The following CLEC16A variants were observed in gnomAD, a reference collection of about 807,000 sequenced individuals.
The protein encoded by CLEC16A is C-type lectin domain containing 16A.
In CLEC16A, 51 loss-of-function variants were observed where a neutral mutation model predicts 109.5. The ratio of observed to expected loss-of-function variants is 0.47; its 90% confidence interval spans 0.37 to 0.59. The LOEUF is 0.59. Among genes scored for constraint, CLEC16A ranks in the 20% least tolerant of loss-of-function variants. The probability of loss-of-function intolerance (pLI) is 0.00; values close to 1 mark genes in which losing one functional copy is unlikely to be tolerated. For synonymous variants in CLEC16A, 673 were observed against 564.2 expected, an observed-to-expected ratio of 1.19 and a Z score of -2.73; for missense variants, 1,339 against 1,394.0, an observed-to-expected ratio of 0.96 and a Z score of 0.63.
At chr16:11,008,467 G>A (rs1443513780) in intron 11 of CLEC16A, among the ~76,000 whole-genome samples, 1 of 152,056 alleles carries the variant, frequency 6.6e-6, no homozygotes, top group Non-Finnish European at 1.5e-5. Context: ...TCAAGAATCT[G>A]GCCAGAGCTG....
intron 18 of CLEC16A, among the ~76,000 whole-genome samples, chr16:11,054,432 G>C (rs1010389701): frequency 2.0e-5 from 3 of 152,234 alleles, no homozygotes; most frequent in African/African-American, 7.2e-5. Context: ...CAGAGTTGCA[G>C]GTTCCCAGGG....
intron 19 of CLEC16A, among the ~76,000 whole-genome samples, chr16:11,084,025 C>T (rs556479370): frequency 6.6e-6 from 1 of 152,184 alleles, no homozygotes; most frequent in Admixed American, 6.5e-5. Flanking sequence ...AAGCCCAAGC[C>T]GTATGGGCCC....
intron 10 of CLEC16A, among the ~76,000 whole-genome samples, chr16:10,997,108 T>C (rs1048563386): frequency 6.6e-6 from 1 of 152,154 alleles, no homozygotes; most frequent in Non-Finnish European, 1.5e-5. Context: ...ACTGCAGGCA[T>C]GCACCACCAT....
intron 22 of CLEC16A, among the ~76,000 whole-genome samples, chr16:11,128,949 C>T (rs945618705): frequency 6.6e-6 from 1 of 152,194 alleles, no homozygotes; most frequent in Admixed American, 6.5e-5. Context: ...CATACCCCTG[C>T]CTCCAGCTTT....
rs201446844 is a variant in CLEC16A, at chr16:11,180,091, G to T, written c.*1401G>T. The T allele has an allele frequency of 6.6e-6, 1 of 152,300 alleles. No homozygotes were observed. Among genetic ancestry groups the T allele is most frequent in the African/African-American group, 2.4e-5 (1 of 41,448 alleles). The allele number at this position is 152,300 out of a possible 1,614,324, so 9.4% of individuals were successfully genotyped here. A position where few individuals can be genotyped will look rare whatever the true frequency, so the allele number is the denominator to read the frequency against. On this transcript the variant is annotated 3_prime_UTR_variant, in exon 24 of 24. Coordinates refer to ENST00000409790, the MANE Select transcript of CLEC16A (RefSeq NM_015226.3). The stretch of plus-strand genomic sequence containing the variant: ...CTGCCAGCAGATGTGCCCACCAGGG[G>T]CATTAGGTATCCGCCGGAGCCTGGC...
chr16:11,003,444 C>T (rs929786160), intron 11 of CLEC16A, 139 bp downstream of exon 11: 9 of 681,600 alleles, frequency 1.3e-5, no homozygotes, highest in African/African-American at 3.6e-5. Context: ...CTCACACTGG[C>T]GTACCTCATT....
chr16:11,086,358 G>A, intron 19 of CLEC16A, among the ~76,000 whole-genome samples: 1 of 152,208 alleles, frequency 6.6e-6, no homozygotes. Flanking sequence ...AGTGGGGCTA[G>A]GAACTGTTTC....
chr16:11,106,857 C>CA (rs1420782424), intron 19 of CLEC16A, among the ~76,000 whole-genome samples: 1 of 152,188 alleles, frequency 6.6e-6, no homozygotes, highest in African/African-American at 2.4e-5. Context: ...CCAGGGTCAC[C>CA]ACAGCTGGAA....
chr16:11,063,183 G>T (rs1273776218), intron 19 of CLEC16A, among the ~76,000 whole-genome samples: 1 of 151,994 alleles, frequency 6.6e-6, no homozygotes, highest in Admixed American at 6.6e-5. Context: ...GCTAAGGAGG[G>T]CGACTTTCAG....
intron 19 of CLEC16A, among the ~76,000 whole-genome samples, chr16:11,083,639 A>T (rs1357725085): frequency 1.3e-5 from 2 of 152,130 alleles, no homozygotes; most frequent in Non-Finnish European, 1.5e-5. Context: ...TTTCCTTCCT[A>T]AGCCCATGTA....
At chr16:11,040,304 G>A (rs1031327663) in intron 14 of CLEC16A, 19 of 170,634 alleles carry the variant, frequency 1.1e-4, no homozygotes, top group Non-Finnish European at 1.9e-4. Context: ...CAACAGTTGT[G>A]GGTAGGTATG....
intron 19 of CLEC16A, among the ~76,000 whole-genome samples, chr16:11,073,874 G>A (rs962605397): frequency 2.0e-5 from 3 of 152,220 alleles, no homozygotes; most frequent in Non-Finnish European, 4.4e-5. Flanking sequence ...AAACACTGAA[G>A]GACTTTCATT....
At chr16:10,952,512 A>C (rs1364237119) in intron 1 of CLEC16A, among the ~76,000 whole-genome samples, 1 of 152,228 alleles carries the variant, frequency 6.6e-6, no homozygotes, top group Non-Finnish European at 1.5e-5. Flanking sequence ...CAACAACAAC[A>C]AAAAGTTATT....
intron 11 of CLEC16A, among the ~76,000 whole-genome samples, chr16:11,008,592 T>A (rs1271734967): frequency 6.6e-6 from 1 of 152,048 alleles, no homozygotes; most frequent in East Asian, 1.9e-4. Flanking sequence ...TGGAAAGATG[T>A]GGCCTTCCCT....
At chr16:11,003,020 C>G (rs923610076) in intron 10 of CLEC16A, 54 bp from the exon 11 acceptor site, 2 of 1,433,632 alleles carry the variant, frequency 1.4e-6, no homozygotes, top group Non-Finnish European at 1.9e-6. Flanking sequence ...TTGATAGCAT[C>G]CAGCAGGATT....
At chr16:11,026,077 A>C (rs545801348) in intron 13 of CLEC16A, among the ~76,000 whole-genome samples, 1 of 152,300 alleles carries the variant, frequency 6.6e-6, no homozygotes, top group South Asian at 2.1e-4. Flanking sequence ...GTGTGAGCAA[A>C]TCATAGATAT....
chr16:11,063,560 T>C (rs2048605561), intron 19 of CLEC16A, among the ~76,000 whole-genome samples: 1 of 151,940 alleles, frequency 6.6e-6, no homozygotes, highest in African/African-American at 2.4e-5. Context: ...CTTAAAGGAG[T>C]GCTGTCTCCA....
At chr16:11,163,031 G>C (rs752687186) in intron 22 of CLEC16A, among the ~76,000 whole-genome samples, 2 of 152,180 alleles carry the variant, frequency 1.3e-5, no homozygotes, top group African/African-American at 4.8e-5. Flanking sequence ...CACTCCTGTC[G>C]CACGATCTCT....
At chr16:11,170,081 A>G (rs372098353) in intron 23 of CLEC16A, among the ~76,000 whole-genome samples, 7 of 152,182 alleles carry the variant, frequency 4.6e-5, no homozygotes, top group African/African-American at 4.8e-5. Context: ...ATGCCAGCAG[A>G]ATATCCGATG....
Sources: gnomAD v4.1 joint callset for allele counts (sites outside exome capture counted in the v4.1 genomes callset) on GRCh38, gnomAD v4.1.1 for gene constraint, MANE v1.5 for transcripts, NCBI Gene and HGNC (gene_info 2026-07-23, HGNC 2026-07-21) for gene names.